Variants in RAI1 observed in about 807,000 individuals in gnomAD.
The protein encoded by RAI1 is retinoic acid induced 1.
Under a neutral mutation model 123.8 loss-of-function variants are expected in RAI1, and 9 were observed. The observed-to-expected ratio is 0.07, with a 90% CI of 0.04 to 0.13. RAI1 has a LOEUF of 0.13. Among genes scored for constraint, RAI1 ranks in the 10% least tolerant of loss-of-function variants. The probability of loss-of-function intolerance (pLI) is 1.00; values close to 1 mark genes in which losing one functional copy is unlikely to be tolerated. For synonymous variants in RAI1, 1,231 were observed against 1,127.3 expected (o/e 1.09, Z -1.84); for missense variants, 2,256 against 2,545.8 (o/e 0.89, Z 2.45).
intron 1 of RAI1, among the ~76,000 whole-genome samples, chr17:17,708,430 A>G (rs574788260): frequency 1.8e-5 from 1 of 55,088 alleles, no homozygotes; most frequent in South Asian, 2.8e-4. Context: ...ACACACACAT[A>G]TATATATATG....
At chr17:17,779,581 A>G (rs1174737096) in intron 2 of RAI1, 1 of 152,670 alleles carries the variant, frequency 6.6e-6, no homozygotes, top group East Asian at 1.9e-4. Context: ...GCACATGGCT[A>G]CATAGGGTTT....
Position 17,795,648 on chromosome 17 carries a change from CAAGGAGGAG to C in RAI1, c.2701_2709del (p.Lys901_Glu903del). On this transcript the variant is annotated inframe_deletion, in exon 3 of 6. Coordinates refer to ENST00000353383, the MANE Select transcript of RAI1 (RefSeq NM_030665.4). This position sits in a 1 kb window ranked among gnomAD's most constrained non-coding sequence, Gnocchi z 5.9. ...CACCCAAGGCCCCACTCATCTGCACCAAGGAGGAGGTGGAGGAGGTGCTGGACTCCAAGG... is the reference window on the plus strand; with the variant it reads ...CACCCAAGGCCCCACTCATCTGCACCGTGGAGGAGGTGCTGGACTCCAAGG... 7 of 1,613,252 alleles carry C rather than the reference CAAGGAGGAG, an allele frequency of 4.3e-6. No homozygotes were observed. Among genetic ancestry groups the C allele is most frequent in the Non-Finnish European group, 5.9e-6 (7 of 1,179,934 alleles).
At chr17:17,682,151 G>GATGGGGAC (rs1914445535) in intron 1 of RAI1, among the ~76,000 whole-genome samples, 1 of 151,790 alleles carries the variant, frequency 6.6e-6, no homozygotes, top group Non-Finnish European at 1.5e-5. Flanking sequence ...CGGAGCGTGG[G>GATGGGGAC]GTGGGGACGT....
chr17:17,725,428 G>C (rs531279392), intron 2 of RAI1, among the ~76,000 whole-genome samples: 3 of 152,158 alleles, frequency 2.0e-5, no homozygotes, highest in Non-Finnish European at 2.9e-5. Flanking sequence ...GAGGATGAAG[G>C]GGGAGGAGAG....
intron 2 of RAI1, among the ~76,000 whole-genome samples, chr17:17,742,407 A>C (rs1331881549): frequency 1.3e-5 from 2 of 152,186 alleles, no homozygotes; most frequent in Non-Finnish European, 2.9e-5. Flanking sequence ...AGAGGGTCAG[A>C]TCTTGGTTTG....
At chr17:17,731,350 C>G (rs926558082) in intron 2 of RAI1, among the ~76,000 whole-genome samples, 1 of 152,186 alleles carries the variant, frequency 6.6e-6, no homozygotes. Flanking sequence ...GGCTGGGTCT[C>G]CAAGGGGAAG....
chr17:17,788,136 G>A (rs532904145), intron 2 of RAI1, among the ~76,000 whole-genome samples: 1 of 152,258 alleles, frequency 6.6e-6, no homozygotes, highest in South Asian at 2.1e-4. Flanking sequence ...CTTGAGCATG[G>A]GGGGGCCATG....
rs2032296611 is a variant in RAI1 at position 17,797,319 on chromosome 17, A to G, written c.4371A>G (p.Gly1457=). The G allele has an allele frequency of 1.2e-6, 2 of 1,611,988 alleles. No homozygotes were observed. The highest frequency in any genetic ancestry group is 1.7e-5 in the Admixed American group (1 of 59,940). The change falls in exon 3 of 6, where the codon GGA becomes GGG. Residue 1457 remains glycine (G), a synonymous_variant. Transcript: ENST00000353383. ...RSRKGRAGAH[G]LSKGPLEKRP... ...GGAAAGGCCGGGCAGGGGCCCATGG[A>G]CTCTCCAAAGGCCCGCTGGAGAAGC... is the stretch of plus-strand genomic sequence containing the variant.
chr17:17,794,656 G>A lies in RAI1; in HGVS notation c.1708G>A (p.Asp570Asn), dbSNP rs767147391. 7 of 1,612,890 alleles carry A rather than the reference G, an allele frequency of 4.3e-6. No individual in the cohort carries two copies. The highest frequency in any genetic ancestry group is 2.2e-5 in the East Asian group (1 of 44,886). ...TGACGACATGTCCACCAAATCTGAC[G>A]ACTCCTTCCAGAGCCTACACGGCAG... is the stretch of plus-strand genomic sequence containing the variant. ...SPDDMSTKSD[D>N]SFQSLHGSLP... The change falls in exon 3 of 6, where the codon GAC becomes AAC. Residue 570 changes from aspartate to asparagine, a missense_variant. Transcript: ENST00000353383.
At chr17:17,741,340 G>A (rs1340569045) in intron 2 of RAI1, among the ~76,000 whole-genome samples, 4 of 152,142 alleles carry the variant, frequency 2.6e-5, no homozygotes, top group Non-Finnish European at 4.4e-5. Context: ...CTAATGACTC[G>A]CAGGGCGGGC....
intron 2 of RAI1, among the ~76,000 whole-genome samples, chr17:17,742,248 C>G (rs552239503): frequency 6.6e-6 from 1 of 152,250 alleles, no homozygotes. Context: ...CCTGTCCACT[C>G]CCAGCCCAGC....
At chr17:17,781,954 C>A (rs2031597032) in intron 2 of RAI1, among the ~76,000 whole-genome samples, 2 of 152,290 alleles carry the variant, frequency 1.3e-5, no homozygotes, top group South Asian at 4.1e-4. Context: ...GGGCCCCGGG[C>A]CGGCCGCCCC....
At chr17:17,698,974 C>T (rs1011971926) in intron 1 of RAI1, among the ~76,000 whole-genome samples, 2 of 152,220 alleles carry the variant, frequency 1.3e-5, no homozygotes, top group African/African-American at 4.8e-5. Flanking sequence ...CGGCTGATCA[C>T]AAGCCAAGAC....
chr17:17,767,928 C>T (rs1335648431), intron 2 of RAI1, among the ~76,000 whole-genome samples: 1 of 152,178 alleles, frequency 6.6e-6, no homozygotes, highest in Non-Finnish European at 1.5e-5. Flanking sequence ...GCCTTGAGCA[C>T]TTTCCCATCT....
At chr17:17,725,280 T>C (rs1484944234) in intron 2 of RAI1, among the ~76,000 whole-genome samples, 1 of 152,032 alleles carries the variant, frequency 6.6e-6, no homozygotes, top group Non-Finnish European at 1.5e-5. Context: ...TCTGGTACAA[T>C]GCGGGCTGAA....
chr17:17,731,103 T>C (rs1318764110), intron 2 of RAI1, among the ~76,000 whole-genome samples: 2 of 152,154 alleles, frequency 1.3e-5, no homozygotes, highest in African/African-American at 4.8e-5. Context: ...TTGGTAGCCC[T>C]CCTAGAGGTG....
chr17:17,783,585 C>T (rs567426690), intron 2 of RAI1, among the ~76,000 whole-genome samples: 2 of 152,314 alleles, frequency 1.3e-5, no homozygotes, highest in African/African-American at 2.4e-5. Context: ...CGCTGCTCCC[C>T]GTCCCCCTCT....
intron 1 of RAI1, among the ~76,000 whole-genome samples, chr17:17,697,833 A>G (rs1915088233): frequency 6.6e-6 from 1 of 152,238 alleles, no homozygotes; most frequent in Non-Finnish European, 1.5e-5. Flanking sequence ...CAGTATCCAC[A>G]GCAGGTCACA....
At chr17:17,741,082 A>AGC (rs66765962) in intron 2 of RAI1, among the ~76,000 whole-genome samples, 26 of 150,106 alleles carry the variant, frequency 1.7e-4, no homozygotes, top group East Asian at 9.9e-4. Context: ...ATTCAGCACA[A>AGC]GCGCGCGCGC....
Sources: gnomAD v4.1 joint callset for allele counts (sites outside exome capture counted in the v4.1 genomes callset) on GRCh38, gnomAD v4.1.1 for gene constraint, Gnocchi (gnomAD v3.1) non-coding constraint, MANE v1.5 for transcripts, NCBI Gene and HGNC (gene_info 2026-07-23, HGNC 2026-07-21) for gene names.